The following PRKCA variants were observed in gnomAD, a reference collection of about 807,000 sequenced individuals.
PRKCA encodes protein kinase C alpha type.
A neutral mutation model predicts 87.0 loss-of-function variants in PRKCA; 27 were observed. That is an observed-to-expected ratio of 0.31 (90% CI 0.23 to 0.43). PRKCA has a LOEUF of 0.43. Among genes scored for constraint, PRKCA ranks in the 20% least tolerant of loss-of-function variants. The pLI is 1.00. For synonymous variants in PRKCA, 329 were observed against 311.1 expected (o/e 1.06, Z -0.61); for missense variants, 518 against 852.3 (o/e 0.61, Z 4.88).
chr17:66,526,051 A>G (rs1215461497), intron 3 of PRKCA, among the ~76,000 whole-genome samples: 5 of 152,224 alleles, frequency 3.3e-5, no homozygotes, highest in Middle Eastern at 3.2e-3. Context: ...TGTGATTGAA[A>G]CATTTTTGGA....
rs546518124 is a variant in PRKCA at position 66,464,696 on chromosome 17, A to G, written c.206-31505A>G. 6.6e-5 allele frequency among the ~76,000 whole-genome samples: 10 copies of G among 152,290 alleles called. No homozygotes were observed. In the South Asian group the frequency reaches 1.2e-3, roughly 19 times the overall value. The stretch of plus-strand genomic sequence containing the variant: ...TGGTGAGATATCTGGTCTTGTGCCC[A>G]TTTTTAATTGGGCTGTTTGTTTTCC... On this transcript the variant is annotated intron_variant, in intron 2 of 16. Transcript: ENST00000413366.
chr17:66,381,232 G>A (rs151182263), intron 2 of PRKCA, among the ~76,000 whole-genome samples: 7 of 152,166 alleles, frequency 4.6e-5, no homozygotes, highest in African/African-American at 1.7e-4. Flanking sequence ...GTGAGCCACT[G>A]TGCCTGGCCA....
intron 8 of PRKCA, among the ~76,000 whole-genome samples, chr17:66,700,094 T>C (rs8079929): frequency 6.6e-6 from 1 of 152,150 alleles, no homozygotes; most frequent in African/African-American, 2.4e-5. Context: ...CCATCACATT[T>C]AAAGGATGAT....
intron 3 of PRKCA, among the ~76,000 whole-genome samples, chr17:66,614,018 T>C (rs1189888884): frequency 3.3e-5 from 5 of 152,122 alleles, no homozygotes; most frequent in African/African-American, 1.2e-4. Flanking sequence ...CTTGAACTCC[T>C]GGCTTCAAGT....
chr17:66,583,310 T>C (rs1304886915), intron 3 of PRKCA, among the ~76,000 whole-genome samples: 1 of 152,288 alleles, frequency 6.6e-6, no homozygotes, highest in East Asian at 1.9e-4. Context: ...TTGTATCTCA[T>C]TGTCGTCTTT....
In PRKCA at chr17:66,672,054, T is replaced by G. The variant is rs576420423; in HGVS notation, c.530-15057T>G. ...AAGAAAGAAACAAAATAATTAAAACTTAGGTGAATATTAAGCTAATCTCAG... is the reference window on the plus strand; with the variant it reads ...AAGAAAGAAACAAAATAATTAAAACGTAGGTGAATATTAAGCTAATCTCAG... On this transcript the variant is annotated intron_variant, in intron 5 of 16. Transcript: ENST00000413366. 7.9e-5 allele frequency among the ~76,000 whole-genome samples: 12 copies of G among 152,300 alleles called. 1 individual carries two copies. The highest frequency in any genetic ancestry group is 4.1e-4 in the South Asian group (2 of 4,828).
At chr17:66,672,733 T>C (rs1045585943) in intron 5 of PRKCA, among the ~76,000 whole-genome samples, 3 of 152,262 alleles carry the variant, frequency 2.0e-5, no homozygotes, top group African/African-American at 7.2e-5. Context: ...ATTGATTAAA[T>C]AAATTCTGAT....
intron 3 of PRKCA, among the ~76,000 whole-genome samples, chr17:66,584,648 C>T (rs977752651): frequency 2.0e-4 from 30 of 152,144 alleles, no homozygotes; most frequent in African/African-American, 7.0e-4. Flanking sequence ...TCCTTCCTGG[C>T]CTCTTCCCAC....
intron 2 of PRKCA, among the ~76,000 whole-genome samples, chr17:66,379,909 A>G (rs1290215746): frequency 6.6e-6 from 1 of 152,134 alleles, no homozygotes; most frequent in Non-Finnish European, 1.5e-5. Flanking sequence ...ATTAAAAGTG[A>G]TCTTTAGTCA....
chr17:66,552,966 T>G (rs1216694618), intron 3 of PRKCA, among the ~76,000 whole-genome samples: 1 of 151,330 alleles, frequency 6.6e-6, no homozygotes, highest in Non-Finnish European at 1.5e-5. Flanking sequence ...GAACTACATT[T>G]TATAAAAATC....
chr17:66,580,212 GTC>G (rs1442973475), intron 3 of PRKCA, among the ~76,000 whole-genome samples: 1 of 152,208 alleles, frequency 6.6e-6, no homozygotes, highest in East Asian at 1.9e-4. Context: ...AGTACTAGTG[GTC>G]TGTTATTCAA....
chr17:66,448,147 G>A (rs565210027), intron 2 of PRKCA, among the ~76,000 whole-genome samples: 178 of 152,204 alleles, frequency 1.2e-3, no homozygotes, highest in Non-Finnish European at 1.4e-3. Flanking sequence ...TGTGTATTCT[G>A]TGCCCTTTTT....
intron 2 of PRKCA, among the ~76,000 whole-genome samples, chr17:66,475,158 T>C (rs527672256): frequency 6.6e-6 from 1 of 152,290 alleles, no homozygotes; most frequent in South Asian, 2.1e-4. Flanking sequence ...AGTTTCATTC[T>C]CTTGTTGGAA....
chr17:66,381,726 A>G (rs116750204), intron 2 of PRKCA, among the ~76,000 whole-genome samples: 1,693 of 152,292 alleles, frequency 0.011, 25 homozygotes, highest in African/African-American at 0.039. Flanking sequence ...CAGGTTTTCA[A>G]TTTTACTGCC....
chr17:66,438,344 A>G (rs1354072087), intron 2 of PRKCA, among the ~76,000 whole-genome samples: 2 of 152,098 alleles, frequency 1.3e-5, no homozygotes, highest in Admixed American at 6.5e-5. Flanking sequence ...GGTAGCTCTC[A>G]TATTTCCAGT....
At position 66,383,949 on chromosome 17, in the gene PRKCA, CA is replaced by C. The variant is rs879546144; in HGVS notation, c.205+77835del. On this transcript the variant is annotated intron_variant, in intron 2 of 16. Transcript: ENST00000413366. ...TGGGTGAAAGAACAAGACTCTGTCTCAAAAAAAAAAAAATTGTTTTTGATGA... is the reference window on the plus strand; with the variant it reads ...TGGGTGAAAGAACAAGACTCTGTCTCAAAAAAAAAAAATTGTTTTTGATGA... Among the ~76,000 whole-genome samples, 227 of 132,128 alleles carry C rather than the reference CA, an allele frequency of 1.7e-3. 1 individual carries two copies. Among genetic ancestry groups the C allele is most frequent in the African/African-American group, 4.1e-3 (146 of 35,826 alleles). The allele number at this position is 132,128 out of a possible 152,430, so 86.7% of individuals were successfully genotyped here. A position where few individuals can be genotyped will look rare whatever the true frequency, so the allele number is the denominator to read the frequency against.
chr17:66,429,124 G>A (rs1313372673), intron 2 of PRKCA, among the ~76,000 whole-genome samples: 2 of 152,064 alleles, frequency 1.3e-5, no homozygotes, highest in African/African-American at 4.8e-5. Context: ...AGTGTGGACT[G>A]TGTCTGGTTT....
chr17:66,765,436 A>ATATC (rs1568020985), intron 13 of PRKCA, among the ~76,000 whole-genome samples: 46 of 109,394 alleles, frequency 4.2e-4, no homozygotes, highest in Non-Finnish European at 7.9e-4. Flanking sequence ...ATATATATAT[A>ATATC]TATATATATA....
At chr17:66,670,067 G>A (rs1186916065) in intron 5 of PRKCA, among the ~76,000 whole-genome samples, 1 of 152,186 alleles carries the variant, frequency 6.6e-6, no homozygotes, top group East Asian at 1.9e-4. Context: ...CACTTACAGA[G>A]TTTGGAAGAA....
Sources: allele counts gnomAD v4.1 joint callset (sites outside exome capture counted in the v4.1 genomes callset), GRCh38; gene constraint gnomAD v4.1.1; transcripts MANE v1.5; gene names NCBI Gene and HGNC (gene_info 2026-07-23, HGNC 2026-07-21).